INPP4B: variants seen among roughly 807,000 people sequenced by gnomAD.
INPP4B encodes inositol polyphosphate-4-phosphatase type II B.
A neutral mutation model predicts 122.5 loss-of-function variants in INPP4B; 55 were observed. The ratio of observed to expected loss-of-function variants is 0.45; its 90% CI spans 0.36 to 0.56. The LOEUF is 0.56. INPP4B is among the 20% of genes least tolerant of loss of function. The probability of loss-of-function intolerance (pLI) is 0.00; values close to 1 mark genes in which losing one functional copy is unlikely to be tolerated. For synonymous variants in INPP4B, 403 were observed against 388.7 expected, an observed-to-expected ratio of 1.04 and a Z score of -0.43; for missense variants, 1,000 against 1,097.7, an observed-to-expected ratio of 0.91 and a Z score of 1.26.
At chr4:142,768,140 A>G (rs1250300783) in intron 1 of INPP4B, among the ~76,000 whole-genome samples, 1 of 152,228 alleles carries the variant, frequency 6.6e-6, no homozygotes, top group Non-Finnish European at 1.5e-5. Context: ...TAAAGTGGTT[A>G]GAACGAACCT....
intron 11 of INPP4B, among the ~76,000 whole-genome samples, chr4:142,245,784 GTGTGTATGTATACATATATA>G (rs1196790915): frequency 7.3e-6 from 1 of 137,842 alleles, no homozygotes; most frequent in African/African-American, 3.1e-5. Flanking sequence ...ATATATATAT[GTGTGTATGTATACATATATA>G]TGTGTATGTA....
intron 25 of INPP4B, among the ~76,000 whole-genome samples, chr4:142,039,133 T>G (rs1208223785): frequency 6.6e-6 from 1 of 152,172 alleles, no homozygotes; most frequent in East Asian, 1.9e-4. Context: ...TGTGATTCTT[T>G]GATCCTATGA....
At chr4:142,373,939 G>A (rs542487574) in intron 7 of INPP4B, among the ~76,000 whole-genome samples, 2 of 151,690 alleles carry the variant, frequency 1.3e-5, no homozygotes, top group African/African-American at 4.8e-5. Flanking sequence ...ATAAACTGTC[G>A]TGCATTGAGC....
intron 5 of INPP4B, among the ~76,000 whole-genome samples, chr4:142,407,968 T>G (rs17016047): frequency 0.023 from 3,434 of 152,312 alleles, 119 homozygotes; most frequent in African/African-American, 0.078. Context: ...GTTTTATTAT[T>G]GTGTAAAATT....
chr4:142,373,541 G>C (rs1315049817), intron 7 of INPP4B, among the ~76,000 whole-genome samples: 2 of 151,872 alleles, frequency 1.3e-5, no homozygotes. Context: ...TTGTGACTTT[G>C]GGAAAGCTGC....
At chr4:142,258,226 G>A (rs549977003) in intron 11 of INPP4B, among the ~76,000 whole-genome samples, 81 of 152,176 alleles carry the variant, frequency 5.3e-4, no homozygotes, top group Non-Finnish European at 6.8e-4. Flanking sequence ...AGACTTAAAC[G>A]TTACACCTAA....
At chr4:142,040,117 GGGAAGAAGAGGAGGGA>G (rs1371911784) in intron 25 of INPP4B, among the ~76,000 whole-genome samples, 2 of 151,756 alleles carry the variant, frequency 1.3e-5, no homozygotes, top group East Asian at 1.9e-4. Flanking sequence ...GGAGAAGTGG[GGGAAGAAGAGGAGGGA>G]GGAAGGAGAG....
intron 6 of INPP4B, among the ~76,000 whole-genome samples, 167 bp downstream of exon 6, chr4:142,405,039 G>A (rs955336777): frequency 5.5e-5 from 8 of 144,432 alleles, no homozygotes; most frequent in African/African-American, 2.0e-4. Context: ...TAATGACAGA[G>A]GATGGTAATG....
At chr4:142,511,892 T>C (rs1012635218) in intron 2 of INPP4B, among the ~76,000 whole-genome samples, 2 of 152,204 alleles carry the variant, frequency 1.3e-5, no homozygotes, top group Admixed American at 6.5e-5. Context: ...AGCTTTAAAG[T>C]TACTTCTAAA....
intron 3 of INPP4B, among the ~76,000 whole-genome samples, chr4:142,455,826 T>A (rs1385264352): frequency 6.6e-6 from 1 of 152,036 alleles, no homozygotes; most frequent in Admixed American, 6.6e-5. Context: ...TTATTTCCTG[T>A]CTTTTGGATA....
intron 25 of INPP4B, among the ~76,000 whole-genome samples, chr4:142,072,668 C>A (rs981969861): frequency 2.6e-5 from 4 of 151,754 alleles, no homozygotes; most frequent in Non-Finnish European, 5.9e-5. Flanking sequence ...TAACAGTCAT[C>A]ACCACACATC....
chr4:142,535,199 C>A (rs1227569764), intron 2 of INPP4B, among the ~76,000 whole-genome samples: 2 of 152,178 alleles, frequency 1.3e-5, no homozygotes, highest in Non-Finnish European at 2.9e-5. Flanking sequence ...AGAGACACAT[C>A]TTTTGTCTGA....
At chr4:142,459,559 A>G (rs1009325088) in intron 3 of INPP4B, among the ~76,000 whole-genome samples, 5 of 152,216 alleles carry the variant, frequency 3.3e-5, no homozygotes, top group Non-Finnish European at 7.3e-5. Flanking sequence ...CACAAATAAT[A>G]GCAAACTGGC....
chr4:142,185,061 A>G (rs1313447352), intron 15 of INPP4B, among the ~76,000 whole-genome samples: 3 of 152,200 alleles, frequency 2.0e-5, no homozygotes, highest in Non-Finnish European at 2.9e-5. Context: ...GTTTGGTAGT[A>G]GAATATTTAA....
intron 2 of INPP4B, among the ~76,000 whole-genome samples, chr4:142,504,827 T>C (rs1016243758): frequency 6.6e-6 from 1 of 151,996 alleles, no homozygotes; most frequent in Non-Finnish European, 1.5e-5. Context: ...TAATAGTATA[T>C]GAAATGAAGA....
intron 2 of INPP4B, among the ~76,000 whole-genome samples, chr4:142,547,483 G>C (rs1363518275): frequency 6.6e-6 from 1 of 152,022 alleles, no homozygotes; most frequent in African/African-American, 2.4e-5. Flanking sequence ...CTAATTTTCT[G>C]CAACCCAATT....
At chr4:142,109,549 G>T (rs1185551672) in intron 22 of INPP4B, among the ~76,000 whole-genome samples, 1 of 151,540 alleles carries the variant, frequency 6.6e-6, no homozygotes, top group African/African-American at 2.4e-5. Flanking sequence ...TCCCTTAGCA[G>T]CAGTATTTCA....
In INPP4B at chr4:142,024,390, A is replaced by ATC. The variant is rs1020642343; in HGVS notation, c.*4390_*4391dup. 55 of 152,250 alleles carry ATC rather than the reference A, an allele frequency of 3.6e-4. 1 individual carries two copies. The highest frequency in any genetic ancestry group is 6.8e-3 in the Middle Eastern group (2 of 294). 9.4% of individuals were successfully genotyped at this position (152,250 alleles called of 1,614,324 possible). A position where few individuals can be genotyped will look rare whatever the true frequency, so the allele number is the denominator to read the frequency against. On this transcript the variant is annotated 3_prime_UTR_variant, in exon 26 of 26. Coordinates refer to ENST00000262992, the MANE Select transcript of INPP4B (RefSeq NM_001101669.3). ...CAATCAGCTACACATCTCTCACCAA[A>ATC]TCATTCTTTTTGGTCGTGCATAATT...
chr4:142,664,417 C>T (rs892698421), intron 2 of INPP4B, among the ~76,000 whole-genome samples: 3 of 152,170 alleles, frequency 2.0e-5, no homozygotes, highest in Admixed American at 2.0e-4. Flanking sequence ...TAGAACAGGT[C>T]GTTGCCATCC....
Sources: gnomAD v4.1 joint callset for allele counts (sites outside exome capture counted in the v4.1 genomes callset) on GRCh38, gnomAD v4.1.1 for gene constraint, MANE v1.5 for transcripts, NCBI Gene and HGNC (gene_info 2026-07-23, HGNC 2026-07-21) for gene names.